The following DCBLD1 variants were observed in gnomAD, a reference collection of about 807,000 sequenced individuals.
DCBLD1 encodes discoidin, CUB and LCCL domain-containing protein 1.
DCBLD1 carries 57 observed loss-of-function variants against 71.5 expected under a neutral mutation model. The observed-to-expected ratio is 0.80, with a 90% CI of 0.64 to 0.99. The LOEUF (loss-of-function observed/expected upper bound fraction) is 0.99. Among genes scored for constraint, DCBLD1 ranks in the 50% least tolerant of loss-of-function variants. DCBLD1 has a pLI of 0.00. For missense variants in DCBLD1, 891 were observed against 923.5 expected (o/e 0.96, Z 0.46); for synonymous variants, 380 against 363.8 (o/e 1.04, Z -0.51).
intron 5 of DCBLD1, among the ~76,000 whole-genome samples, chr6:117,531,929 C>A (rs533993779): frequency 6.9e-4 from 105 of 152,298 alleles, no homozygotes; most frequent in Non-Finnish European, 3.4e-4. Context: ...CAATTTGCCT[C>A]CACCCACACT....
chr6:117,568,046 A>AC (rs1779734013), intron 14 of DCBLD1, among the ~76,000 whole-genome samples: 1 of 150,970 alleles, frequency 6.6e-6, no homozygotes, highest in African/African-American at 2.4e-5. Context: ...AAAAAAAAAA[A>AC]AAATTAGCTG....
chr6:117,536,028 A>G (rs1210207414), intron 6 of DCBLD1, among the ~76,000 whole-genome samples: 2 of 152,216 alleles, frequency 1.3e-5, no homozygotes, highest in Non-Finnish European at 2.9e-5. Context: ...TCTGCCAAGC[A>G]TAGACAATGT....
chr6:117,491,867 G>A (rs1156850609), intron 1 of DCBLD1, among the ~76,000 whole-genome samples: 1 of 152,124 alleles, frequency 6.6e-6, no homozygotes, highest in Non-Finnish European at 1.5e-5. Context: ...TACTTGGTGC[G>A]CTATACCTGT....
intron 14 of DCBLD1, among the ~76,000 whole-genome samples, chr6:117,558,574 C>G (rs1481184000): frequency 6.6e-6 from 1 of 152,140 alleles, no homozygotes; most frequent in Non-Finnish European, 1.5e-5. Context: ...TGATTTATTA[C>G]AGAGAATATA....
At chr6:117,520,047 A>T (rs1778335171) in intron 3 of DCBLD1, 97 bp downstream of exon 3, 2 of 1,556,100 alleles carry the variant, frequency 1.3e-6, no homozygotes, top group African/African-American at 1.4e-5. Context: ...GTGGACTCAG[A>T]TGCAGAATTA....
intron 14 of DCBLD1, among the ~76,000 whole-genome samples, chr6:117,563,703 C>T (rs914594947): frequency 1.4e-5 from 2 of 147,338 alleles, no homozygotes; most frequent in Non-Finnish European, 1.5e-5. Context: ...GCCTGGGTGA[C>T]AGAGTGAAAC....
intron 2 of DCBLD1, among the ~76,000 whole-genome samples, chr6:117,511,191 G>A (rs913400954): frequency 2.6e-5 from 4 of 152,176 alleles, no homozygotes; most frequent in African/African-American, 9.7e-5. Context: ...GTTCTTGTTC[G>A]TCACTTGCTG....
At chr6:117,485,792 TA>T (rs1777067060) in intron 1 of DCBLD1, among the ~76,000 whole-genome samples, 1 of 152,240 alleles carries the variant, frequency 6.6e-6, no homozygotes, top group African/African-American at 2.4e-5. Flanking sequence ...CTGCTGCTTC[TA>T]CTAATTAATT....
At chr6:117,541,313 C>A (rs1779088898) in intron 11 of DCBLD1, among the ~76,000 whole-genome samples, 2 of 148,772 alleles carry the variant, frequency 1.3e-5, no homozygotes. Flanking sequence ...TGCAGCCATA[C>A]AAAAAAAAAA....
Position 117,500,456 on chromosome 6 carries a change from G to A in DCBLD1, c.113-3311G>A, listed in dbSNP as rs180850982. On this transcript the variant is annotated intron_variant, in intron 1 of 14. Transcript: ENST00000338728. ...AGATCCCCAGGCAAAGTAACGATGG[G>A]AATGTTGACGATTTGAACTTGCCTG... is the stretch of plus-strand genomic sequence containing the variant. Among the ~76,000 whole-genome samples the A allele has an allele frequency of 1.1e-4, 17 of 152,346 alleles. No homozygotes were observed. In the East Asian group the frequency reaches 3.1e-3, roughly 28 times the overall value.
chr6:117,545,374 C>T (rs2114568036), intron 13 of DCBLD1, 104 bp from the exon 14 acceptor site: 1 of 1,465,534 alleles, frequency 6.8e-7, no homozygotes, highest in Non-Finnish European at 9.3e-7. Context: ...TCACTGTCAG[C>T]TGTCAGGAGG....
chr6:117,488,025 T>A (rs747155258), intron 1 of DCBLD1, among the ~76,000 whole-genome samples: 19 of 152,228 alleles, frequency 1.2e-4, no homozygotes, highest in Non-Finnish European at 1.9e-4. Flanking sequence ...AGCGCTGGTA[T>A]GCTGAATCTA....
chr6:117,492,918 C>A (rs896605041), intron 1 of DCBLD1, among the ~76,000 whole-genome samples: 1 of 152,156 alleles, frequency 6.6e-6, no homozygotes, highest in African/African-American at 2.4e-5. Context: ...TTATTTTCCA[C>A]AGTATGCTCA....
In DCBLD1 at chr6:117,536,764, T is replaced by C. The variant is rs563501422; in HGVS notation, c.720-421T>C. Among the ~76,000 whole-genome samples, 9 of 152,336 alleles carry C rather than the reference T, an allele frequency of 5.9e-5. No individual in the cohort carries two copies. In the South Asian group the frequency reaches 1.9e-3, roughly 32 times the overall value. On this transcript the variant is annotated intron_variant, in intron 6 of 14. Coordinates refer to ENST00000338728, the MANE Select transcript of DCBLD1 (RefSeq NM_001366458.2). Reference sequence around the variant, plus strand: ...GAGTGGGACACTTTAAGGTGACTGCTGAAACAAAGGGAGATTTCAGGGCAG... The same window carrying C: ...GAGTGGGACACTTTAAGGTGACTGCCGAAACAAAGGGAGATTTCAGGGCAG...
At chr6:117,520,202 A>G (rs563964634) in intron 3 of DCBLD1, among the ~76,000 whole-genome samples, 9 of 152,326 alleles carry the variant, frequency 5.9e-5, no homozygotes, top group African/African-American at 2.2e-4. Flanking sequence ...CATAAAATAC[A>G]CTAACAATAG....
downstream of DCBLD1, among the ~76,000 whole-genome samples, chr6:117,552,036 C>T (rs1327626353): frequency 6.6e-6 from 1 of 152,140 alleles, no homozygotes; most frequent in Non-Finnish European, 1.5e-5. Flanking sequence ...GGGAGGATCA[C>T]TTGAGCCCAG....
At chr6:117,558,677 G>A (rs889150705) in intron 14 of DCBLD1, among the ~76,000 whole-genome samples, 2 of 152,174 alleles carry the variant, frequency 1.3e-5, no homozygotes, top group African/African-American at 4.8e-5. Context: ...GAGTCACACA[G>A]GACATGCTTA....
intron 9 of DCBLD1, 171 bp from the exon 10 acceptor site, chr6:117,540,497 A>G: frequency 1.5e-6 from 1 of 677,444 alleles, no homozygotes; most frequent in Non-Finnish European, 2.4e-6. Context: ...TTAGTTAGAT[A>G]AATTGGCCCT....
intron 5 of DCBLD1, among the ~76,000 whole-genome samples, chr6:117,528,355 AT>A (rs1778609735): frequency 6.6e-6 from 1 of 152,166 alleles, no homozygotes; most frequent in African/African-American, 2.4e-5. Context: ...ATAATTTAAC[AT>A]TTTGCTATCA....
Sources: gnomAD v4.1 joint callset for allele counts (sites outside exome capture counted in the v4.1 genomes callset) on GRCh38, gnomAD v4.1.1 for gene constraint, MANE v1.5 for transcripts, NCBI Gene and HGNC (gene_info 2026-07-23, HGNC 2026-07-21) for gene names.